The following TG variants were observed in gnomAD, a reference collection of about 807,000 sequenced individuals.
TG encodes the protein thyroid hormones.
A neutral mutation model predicts 324.7 loss-of-function variants in TG; 270 were observed. The observed-to-expected ratio is 0.83, with a 90% CI of 0.75 to 0.92. TG has a LOEUF of 0.92. Ranked by LOEUF, TG falls within the 40% of genes least tolerant of loss-of-function variation. TG has a pLI of 0.00. For missense variants in TG, 3,591 were observed against 3,456.4 expected (o/e 1.04, Z -0.98); for synonymous variants, 1,401 against 1,327.0 (o/e 1.06, Z -1.21).
intron 39 of TG, 61 bp from the exon 40 acceptor site, chr8:133,021,930 T>C: frequency 1.2e-6 from 2 of 1,607,972 alleles, no homozygotes; most frequent in Admixed American, 3.3e-5. Flanking sequence ...AGAATCAGGC[T>C]CCAAGCATGG....
chr8:133,008,802 G>T lies in TG; in HGVS notation c.6263-3099G>T, dbSNP rs77262367. Among the ~76,000 whole-genome samples the T allele has an allele frequency of 1.2e-4, 19 of 152,326 alleles. 1 individual carries two copies. The East Asian group carries it at 2.7e-3, about 22-fold the overall frequency. ...GGACAGTGACAGTACCCACCTCATTGGTTATCATGAATACTAAATGCAGCA... is the reference window on the plus strand; with the variant it reads ...GGACAGTGACAGTACCCACCTCATTTGTTATCATGAATACTAAATGCAGCA... On this transcript the variant is annotated intron_variant, in intron 35 of 47. Transcript: ENST00000220616.
intron 26 of TG, among the ~76,000 whole-genome samples, chr8:132,946,527 G>C (rs1325658796): frequency 6.6e-6 from 1 of 152,118 alleles, no homozygotes; most frequent in Non-Finnish European, 1.5e-5. Context: ...TGACGACCAG[G>C]AACAGAATTC....
intron 31 of TG, 97 bp from the exon 32 acceptor site, chr8:132,969,361 T>C: frequency 3.5e-6 from 3 of 867,558 alleles, no homozygotes; most frequent in Non-Finnish European, 5.9e-6. Flanking sequence ...TCATCTTTAA[T>C]TGGAAACTTT....
At chr8:133,100,334 A>G (rs1037703325) in intron 43 of TG, among the ~76,000 whole-genome samples, 9 of 152,156 alleles carry the variant, frequency 5.9e-5, no homozygotes, top group African/African-American at 1.9e-4. Context: ...ACCCTACCCC[A>G]GCACTCAAAC....
intron 45 of TG, among the ~76,000 whole-genome samples, chr8:133,118,275 T>C (rs1850858959): frequency 1.3e-5 from 2 of 150,058 alleles, no homozygotes; most frequent in African/African-American, 4.9e-5. Context: ...TTCTCATTTC[T>C]CCTAAGCACT....
chr8:133,095,106 T>A lies in TG; in HGVS notation c.7302T>A (p.Ile2434=). ...ATGAGAGGGCTCAGCAGCAGGCAAT[T>A]GCTTTGGCAAAGGAGGTCAGTTGCC... ...ISHERAQQQA[I]ALAKEVSCPM... The change falls in exon 42 of 48, where the codon ATT becomes ATA. Residue 2434 remains isoleucine, a synonymous_variant. Transcript: ENST00000220616. The A allele has an allele frequency of 6.2e-7, 1 of 1,614,218 alleles. No individual in the cohort carries two copies.
intron 45 of TG, among the ~76,000 whole-genome samples, chr8:133,118,499 A>G (rs902413035): frequency 6.6e-6 from 1 of 151,634 alleles, no homozygotes; most frequent in African/African-American, 2.4e-5. Flanking sequence ...TAATTTTCGT[A>G]TTTTTAGTAG....
At chr8:132,898,351 T>A in intron 13 of TG, 105 bp downstream of exon 13, 1 of 1,131,750 alleles carries the variant, frequency 8.8e-7, no homozygotes, top group South Asian at 1.3e-5. Flanking sequence ...GCCCAGCCCT[T>A]CAGCCAGGTC....
intron 41 of TG, among the ~76,000 whole-genome samples, chr8:133,074,541 G>T (rs1207319929): frequency 6.6e-6 from 1 of 152,212 alleles, no homozygotes; most frequent in Admixed American, 6.5e-5. Flanking sequence ...TAGGAATTCT[G>T]ATGGCAAATC....
At chr8:132,987,248 T>C (rs1831682312) in intron 35 of TG, among the ~76,000 whole-genome samples, 1 of 152,180 alleles carries the variant, frequency 6.6e-6, no homozygotes. Flanking sequence ...ATTCCCAAAT[T>C]AGAACTAAGA....
At chr8:132,998,496 A>G (rs571241574) in intron 35 of TG, among the ~76,000 whole-genome samples, 31 of 152,292 alleles carry the variant, frequency 2.0e-4, no homozygotes, top group African/African-American at 7.2e-4. Flanking sequence ...AGCTGCAGGG[A>G]AAGAGAGCCC....
At chr8:132,928,673 A>G (rs576276325) in intron 22 of TG, among the ~76,000 whole-genome samples, 8 of 152,240 alleles carry the variant, frequency 5.3e-5, no homozygotes, top group Non-Finnish European at 1.2e-4. Flanking sequence ...TTAAAAAATA[A>G]CTTACCTCAT....
At chr8:133,085,921 AC>A (rs1276334624) in intron 41 of TG, among the ~76,000 whole-genome samples, 1 of 152,232 alleles carries the variant, frequency 6.6e-6, no homozygotes, top group East Asian at 1.9e-4. Context: ...CTTGTATGTG[AC>A]TGTTCACAAC....
At chr8:132,988,060 ACATG>A (rs1831799690) in intron 35 of TG, among the ~76,000 whole-genome samples, 1 of 130,390 alleles carries the variant, frequency 7.7e-6, no homozygotes, top group South Asian at 2.3e-4. Context: ...TTGTACATAC[ACATG>A]CACACACACA....
chr8:133,120,295 A>G (rs1318568301), intron 45 of TG, among the ~76,000 whole-genome samples: 1 of 152,276 alleles, frequency 6.6e-6, no homozygotes, highest in Non-Finnish European at 1.5e-5. Context: ...AGTCTTCTAC[A>G]TGAGGGTGAA....
intron 41 of TG, chr8:133,076,771 A>C (rs1844940867): frequency 6.6e-6 from 1 of 151,674 alleles, no homozygotes; most frequent in South Asian, 2.1e-4. Flanking sequence ...AAAAAAAAAA[A>C]AAAAAAAACA....
chr8:133,014,378 C>T (rs1466344448), intron 37 of TG, among the ~76,000 whole-genome samples: 1 of 152,184 alleles, frequency 6.6e-6, no homozygotes, highest in Admixed American at 6.5e-5. Context: ...GAGGGAGTAG[C>T]CATAAATCCA....
chr8:132,947,254 T>C (rs952060187), intron 26 of TG, among the ~76,000 whole-genome samples: 1 of 152,202 alleles, frequency 6.6e-6, no homozygotes, highest in Non-Finnish European at 1.5e-5. Flanking sequence ...TATGTCCAAA[T>C]GCACCCCGCC....
At chr8:133,030,089 G>A (rs1836486636) in intron 41 of TG, 66 bp downstream of exon 41, 3 of 1,598,908 alleles carry the variant, frequency 1.9e-6, no homozygotes, top group Non-Finnish European at 2.6e-6. Context: ...GTTCTCCTGT[G>A]CTGCAAAAGT....
Sources: allele counts gnomAD v4.1 joint callset (sites outside exome capture counted in the v4.1 genomes callset), GRCh38; gene constraint gnomAD v4.1.1; transcripts MANE v1.5; gene names NCBI Gene and HGNC (gene_info 2026-07-23, HGNC 2026-07-21).